The following EIF4EBP1 variants were observed in gnomAD, a reference collection of about 807,000 sequenced individuals.
The protein encoded by EIF4EBP1 is eukaryotic translation initiation factor 4E-binding protein 1.
In EIF4EBP1, 5 loss-of-function variants were observed where a neutral mutation model predicts 9.2. The observed-to-expected ratio is 0.54, with a 90% CI of 0.28 to 1.14. The LOEUF (loss-of-function observed/expected upper bound fraction) is 1.14. EIF4EBP1 is among the 50% of genes most tolerant of loss of function. The probability of loss-of-function intolerance (pLI) is 0.09; values close to 1 mark genes in which losing one functional copy is unlikely to be tolerated. For synonymous variants in EIF4EBP1, 62 were observed against 67.0 expected (o/e 0.93, Z 0.36); for missense variants, 139 against 169.6 (o/e 0.82, Z 1.00).
intron 1 of EIF4EBP1, among the ~76,000 whole-genome samples, chr8:38,048,404 G>A (rs1809474320): frequency 6.6e-6 from 1 of 152,008 alleles, no homozygotes; most frequent in African/African-American, 2.4e-5. Context: ...AAAAAAAGCA[G>A]AGTTAATAAT....
At chr8:38,041,635 A>G (rs1809381275) in intron 1 of EIF4EBP1, among the ~76,000 whole-genome samples, 1 of 152,168 alleles carries the variant, frequency 6.6e-6, no homozygotes, top group African/African-American at 2.4e-5. Context: ...ACACCTTCCT[A>G]AAGGTACTGA....
chr8:38,059,755 C>CAA (rs1194992251), intron 2 of EIF4EBP1, 149 bp from the exon 3 acceptor site: 1,256 of 595,640 alleles, frequency 2.1e-3, no homozygotes, highest in Middle Eastern at 2.7e-3. Flanking sequence ...GACTCCATCT[C>CAA]AAAAAAAAAA....
intron 1 of EIF4EBP1, among the ~76,000 whole-genome samples, chr8:38,042,304 G>A (rs946557685): frequency 2.0e-5 from 3 of 152,200 alleles, no homozygotes; most frequent in African/African-American, 7.2e-5. Context: ...GTCGGGCTCA[G>A]TACTCCCTTT....
chr8:38,051,953 C>T (rs1809530392), intron 1 of EIF4EBP1, among the ~76,000 whole-genome samples: 1 of 152,192 alleles, frequency 6.6e-6, no homozygotes, highest in Non-Finnish European at 1.5e-5. Context: ...CTGGAACTCC[C>T]AGCCTCAAGT....
chr8:38,042,467 G>A (rs1306512170), intron 1 of EIF4EBP1, among the ~76,000 whole-genome samples: 1 of 152,158 alleles, frequency 6.6e-6, no homozygotes, highest in Non-Finnish European at 1.5e-5. Context: ...AAATACCACA[G>A]ATTGGGTGCT....
chr8:38,051,193 C>A (rs145498496), intron 1 of EIF4EBP1, among the ~76,000 whole-genome samples: 1 of 152,170 alleles, frequency 6.6e-6, no homozygotes, highest in Non-Finnish European at 1.5e-5. Context: ...AATTCCTGAA[C>A]CTTCCTGGGG....
intron 2 of EIF4EBP1, among the ~76,000 whole-genome samples, chr8:38,059,471 G>T (rs1030754889): frequency 1.1e-4 from 16 of 152,124 alleles, no homozygotes; most frequent in African/African-American, 3.6e-4. Flanking sequence ...TCTTTTCTTG[G>T]CTGGGCACGG....
At chr8:38,035,410 G>T (rs144441573) in intron 1 of EIF4EBP1, among the ~76,000 whole-genome samples, 6,042 of 151,180 alleles carry the variant, frequency 0.04, 356 homozygotes, top group African/African-American at 0.13. Context: ...TAGAGACAGG[G>T]TTTCACCATG....
At chr8:38,033,294 C>A (rs1809251186) in intron 1 of EIF4EBP1, among the ~76,000 whole-genome samples, 1 of 151,946 alleles carries the variant, frequency 6.6e-6, no homozygotes, top group Admixed American at 6.6e-5. Flanking sequence ...TCTCAAACTC[C>A]TGGCCTCAAG....
intron 1 of EIF4EBP1, among the ~76,000 whole-genome samples, chr8:38,043,202 G>C: frequency 6.6e-6 from 1 of 152,066 alleles, no homozygotes; most frequent in East Asian, 1.9e-4. Flanking sequence ...ATTCCCTATT[G>C]GTAATGAATT....
chr8:38,059,994 G>C lies in EIF4EBP1; in HGVS notation c.*59G>C, dbSNP rs369166115. 1,338 of 1,535,786 alleles carry C rather than the reference G, an allele frequency of 8.7e-4. No homozygotes were observed. Among genetic ancestry groups the C allele is most frequent in the Admixed American group, 2.0e-3 (120 of 59,890 alleles). ...GCCCCTCAGGGCCTTCCTGGGAGGA[G>C]TCCCACCAGCCAGGCCTTATGAAAG... On this transcript the variant is annotated 3_prime_UTR_variant, in exon 3 of 3. Transcript: ENST00000338825.
Position 38,060,136 on chromosome 8 carries a change from C to T in EIF4EBP1, c.*201C>T. On this transcript the variant is annotated 3_prime_UTR_variant, in exon 3 of 3. Transcript: ENST00000338825. ...CAGCAGATACCTCCTTGTGCCTCCA[C>T]TGATGCAGGAGCTGCCACCCCAAGG... The T allele has an allele frequency of 3.2e-6, 2 of 628,896 alleles. No homozygotes were observed. The highest frequency in any genetic ancestry group is 2.6e-5 in the Admixed American group (1 of 38,896). The allele number at this position is 628,896 out of a possible 1,614,324, so 39.0% of individuals were successfully genotyped here. A position where few individuals can be genotyped will look rare whatever the true frequency, so the allele number is the denominator to read the frequency against.
intron 1 of EIF4EBP1, among the ~76,000 whole-genome samples, chr8:38,052,191 C>G (rs1809534418): frequency 2.6e-5 from 4 of 152,156 alleles, no homozygotes. Context: ...ATTTCCTGAC[C>G]TTGTACATGG....
intron 1 of EIF4EBP1, among the ~76,000 whole-genome samples, chr8:38,053,053 C>CAACA (rs1809547545): frequency 6.6e-6 from 1 of 151,832 alleles, no homozygotes. Flanking sequence ...CTTGCTTGCT[C>CAACA]TGTTGCCCAG....
intron 1 of EIF4EBP1, among the ~76,000 whole-genome samples, chr8:38,034,934 C>T (rs568976135): frequency 1.4e-4 from 21 of 152,266 alleles, no homozygotes; most frequent in African/African-American, 5.1e-4. Flanking sequence ...GGACCCTCTT[C>T]TCACATTTAC....
At chr8:38,056,961 C>T in intron 1 of EIF4EBP1, 120 bp from the exon 2 acceptor site, 1 of 1,054,486 alleles carries the variant, frequency 9.5e-7, no homozygotes, top group Non-Finnish European at 1.4e-6. Flanking sequence ...CCGCACCCAG[C>T]CTCCTCTGGG....
intron 1 of EIF4EBP1, among the ~76,000 whole-genome samples, chr8:38,033,630 A>G (rs561600253): frequency 6.6e-6 from 1 of 151,934 alleles, no homozygotes; most frequent in Non-Finnish European, 1.5e-5. Flanking sequence ...CCATTGGAGT[A>G]AGTACCCCCC....
chr8:38,034,800 A>T (rs1423490347), intron 1 of EIF4EBP1, among the ~76,000 whole-genome samples: 1 of 152,196 alleles, frequency 6.6e-6, no homozygotes, highest in Non-Finnish European at 1.5e-5. Flanking sequence ...GAAGAAGGGG[A>T]TGTAGGCTGG....
chr8:38,043,766 A>G (rs1351251785), intron 1 of EIF4EBP1, among the ~76,000 whole-genome samples: 1 of 152,062 alleles, frequency 6.6e-6, no homozygotes, highest in African/African-American at 2.4e-5. Flanking sequence ...CCCCTGAGAA[A>G]TGTTGGGATC....
Sources: allele counts gnomAD v4.1 joint callset (sites outside exome capture counted in the v4.1 genomes callset), GRCh38; gene constraint gnomAD v4.1.1; transcripts MANE v1.5; gene names NCBI Gene and HGNC (gene_info 2026-07-23, HGNC 2026-07-21).